EIF6: variants seen among roughly 807,000 people sequenced by gnomAD.
The protein encoded by EIF6 is eukaryotic translation initiation factor 6, also known as B4 integrin interactor.
A neutral mutation model predicts 25.5 loss-of-function variants in EIF6; 10 were observed. That is an observed-to-expected ratio of 0.39 (90% CI 0.24 to 0.66). The LOEUF is 0.66. Ranked by LOEUF, EIF6 falls within the 30% of genes least tolerant of loss-of-function variation. The pLI, the probability that EIF6 is intolerant of heterozygous loss-of-function variation, is 0.45. For synonymous variants in EIF6, 122 were observed against 122.6 expected (o/e 1.00, Z 0.03); for missense variants, 246 against 315.4 (o/e 0.78, Z 1.67).
At chr20:35,284,579 C>A in intron 1 of EIF6, 87 bp from the exon 2 acceptor site, 2 of 1,461,768 alleles carry the variant, frequency 1.4e-6, no homozygotes, top group East Asian at 4.6e-5. Context: ...GCCGCGACCC[C>A]GCCCCTCTCG....
chr20:35,284,751 C>A lies in EIF6; in HGVS notation c.-31G>T, dbSNP rs1055723003. 3.9e-6 allele frequency: 2 copies of A among 518,690 alleles called. No individual in the cohort carries two copies. The highest frequency in any genetic ancestry group is 6.3e-5 in the East Asian group (2 of 31,656). 32.1% of individuals were successfully genotyped at this position (518,690 alleles called of 1,614,324 possible). A position where few individuals can be genotyped will look rare whatever the true frequency, so the allele number is the denominator to read the frequency against. ...CAAGTAACCAGTAACAAGCTCCGCACGCGGCGACTGTACCTTGGACTCCCT... is the reference window on the plus strand; with the variant it reads ...CAAGTAACCAGTAACAAGCTCCGCAAGCGGCGACTGTACCTTGGACTCCCT... On this transcript the variant is annotated 5_prime_UTR_variant, in exon 1 of 7. Transcript: ENST00000374450.
chr20:35,282,387 T>C (rs994680630), intron 3 of EIF6, among the ~76,000 whole-genome samples: 1 of 152,166 alleles, frequency 6.6e-6, no homozygotes, highest in African/African-American at 2.4e-5. Context: ...AAACACACCA[T>C]ACAGCAACAA....
chr20:35,279,266 A>G lies in EIF6; in HGVS notation c.729-60T>C, dbSNP rs116773699. 2.5e-4 allele frequency: 399 copies of G among 1,598,330 alleles called. 1 individual carries two copies. The African/African-American group carries it at 5.0e-3, about 20-fold the overall frequency. On this transcript the variant is annotated intron_variant, in intron 6 of 6. Coordinates refer to ENST00000374450, the MANE Select transcript of EIF6 (RefSeq NM_002212.4). ...TTTCACAGAGCCCACCTCACTCTCA[A>G]GTGAGGTGCCTGCCTCAGCCCTCAT...
chr20:35,280,512 T>C (rs1687034719), intron 4 of EIF6, 142 bp downstream of exon 4: 1 of 1,008,454 alleles, frequency 9.9e-7, no homozygotes, highest in Admixed American at 2.6e-5. Flanking sequence ...GTTATCACTA[T>C]TCCAATGAGT....
Position 35,280,771 on chromosome 20 carries a change from A to C in EIF6, c.252T>G (p.Ile84Met), listed in dbSNP as rs536343391. Residue 84 changes from isoleucine to methionine, a missense_variant, in exon 4 of 7, where the codon ATT (isoleucine) becomes ATG (methionine). Coordinates refer to ENST00000374450, the MANE Select transcript of EIF6 (RefSeq NM_002212.4). ...GCACTGTGTCTGGGAGGCTGTTGCG[A>C]ATGTGTTGCAGCTCCTGGTCGGTGG... ...NNTTDQELQH[I>M]RNSLPDTVQI... 3 of 1,614,074 alleles carry C rather than the reference A, an allele frequency of 1.9e-6. No individual in the cohort carries two copies. In the South Asian group the frequency reaches 3.3e-5, roughly 18 times the overall value.
At chr20:35,280,575 C>T in intron 4 of EIF6, 79 bp downstream of exon 4, 1 of 1,534,434 alleles carries the variant, frequency 6.5e-7, no homozygotes, top group Non-Finnish European at 8.8e-7. Context: ...CCCCTAATTG[C>T]TGCCTGTTGG....
At chr20:35,282,694 C>T (rs2060786709) in intron 3 of EIF6, among the ~76,000 whole-genome samples, 1 of 151,558 alleles carries the variant, frequency 6.6e-6, no homozygotes, top group African/African-American at 2.4e-5. Context: ...AGGGTGAGCT[C>T]CACCTCCAGG....
intron 3 of EIF6, among the ~76,000 whole-genome samples, chr20:35,283,464 AAG>A (rs907063500): frequency 6.6e-6 from 1 of 152,208 alleles, no homozygotes; most frequent in Non-Finnish European, 1.5e-5. Flanking sequence ...GATGCTTAGA[AAG>A]AGAAAGCACC....
rs533468595 is a variant in EIF6 at position 35,279,060 on chromosome 20, G to T, written c.*137C>A. 33 of 1,087,924 alleles carry T rather than the reference G, an allele frequency of 3.0e-5. No homozygotes were observed. In the East Asian group the frequency reaches 7.8e-4, roughly 26 times the overall value. 67.4% of individuals were successfully genotyped at this position (1,087,924 alleles called of 1,614,324 possible). ...CAGGCGATAAGCACAGGTGGAAAAG[G>T]GTTGGGTGCCCAGCCCCTCAGTCCC... On this transcript the variant is annotated 3_prime_UTR_variant, in exon 7 of 7. Transcript: ENST00000374450.
intron 3 of EIF6, 65 bp from the exon 4 acceptor site, chr20:35,280,894 ACCACTCAGCCCAGC>A (rs2060769232): frequency 1.3e-6 from 2 of 1,551,682 alleles, no homozygotes; most frequent in Non-Finnish European, 1.8e-6. Flanking sequence ...GGCTGAGGAT[ACCACTCAGCCCAGC>A]CCAATCAGCT....
chr20:35,282,084 GTT>G (rs1332126072), intron 3 of EIF6, among the ~76,000 whole-genome samples: 1 of 150,714 alleles, frequency 6.6e-6, no homozygotes, highest in Non-Finnish European at 1.5e-5. Context: ...TACCTCCCCG[GTT>G]CACACCATTC....
At chr20:35,281,557 T>G (rs6060345) in intron 3 of EIF6, among the ~76,000 whole-genome samples, 1,792 of 152,148 alleles carry the variant, frequency 0.012, 28 homozygotes, top group African/African-American at 0.04. Context: ...GTGATTCTCC[T>G]GCTTCGGCCT....
chr20:35,279,545 GA>G lies in EIF6; in HGVS notation c.728+20del. On this transcript the variant is annotated intron_variant, in intron 6 of 6. Transcript: ENST00000374450. ...AGTTAACCCCCAACCCTGAGCAGAA[GA>G]AAGGAGAGGCCCCAGGTACCTGTCA... The G allele has an allele frequency of 6.2e-7, 1 of 1,612,732 alleles. No individual in the cohort carries two copies. Among genetic ancestry groups the G allele is most frequent in the Non-Finnish European group, 8.5e-7 (1 of 1,179,336 alleles).
chr20:35,282,622 G>C (rs1377913896), intron 3 of EIF6, among the ~76,000 whole-genome samples: 3 of 149,108 alleles, frequency 2.0e-5, no homozygotes, highest in African/African-American at 7.5e-5. Context: ...GTTTTTTTTT[G>C]AGACACAGTT....
intron 3 of EIF6, 143 bp from the exon 4 acceptor site, chr20:35,280,972 A>G: frequency 1.0e-6 from 1 of 965,948 alleles, no homozygotes; most frequent in Non-Finnish European, 1.5e-6. Flanking sequence ...CTGATCTGGA[A>G]AACACCCAGG....
chr20:35,280,688 T>C lies in EIF6; in HGVS notation c.335A>G (p.Asp112Gly). The change falls in exon 4 of 7, where the codon GAC (aspartate) becomes GGC (glycine). Residue 112 changes from aspartate (D) to glycine (G), a missense_variant. Transcript: ENST00000374450. ...SALGNVTTCN[D>G]YVALVHPDLD... ...GTCTGGGTGGACCAAGGCCACGTAG[T>C]CATTGCAGGTGGTGACATTGCCCAA... 6.2e-7 allele frequency: 1 copy of C among 1,613,724 alleles called. No homozygotes were observed. Among genetic ancestry groups the C allele is most frequent in the East Asian group, 2.2e-5 (1 of 44,876 alleles).
At chr20:35,280,582 T>C (rs1568629524) in intron 4 of EIF6, 72 bp downstream of exon 4, 1 of 1,555,810 alleles carries the variant, frequency 6.4e-7, no homozygotes, top group Non-Finnish European at 8.7e-7. Flanking sequence ...TTGCTGCCTG[T>C]TGGGAAAGAA....
chr20:35,279,253 C>CA, intron 6 of EIF6, 47 bp from the exon 7 acceptor site: 1 of 1,607,594 alleles, frequency 6.2e-7, no homozygotes, highest in Non-Finnish European at 8.5e-7. Context: ...TCACAGAGCC[C>CA]ACCTCACTCT....
At chr20:35,279,895 A>C (rs1295823394) in intron 5 of EIF6, 47 bp downstream of exon 5, 2 of 1,599,286 alleles carry the variant, frequency 1.3e-6, no homozygotes, top group Non-Finnish European at 1.7e-6. Flanking sequence ...ACACTAGGCA[A>C]AAGGATCTGC....
Sources: gnomAD v4.1 joint callset for allele counts (sites outside exome capture counted in the v4.1 genomes callset) on GRCh38, gnomAD v4.1.1 for gene constraint, MANE v1.5 for transcripts, NCBI Gene and HGNC (gene_info 2026-07-23, HGNC 2026-07-21) for gene names.